Variants in CD28 observed in about 807,000 individuals in gnomAD.
CD28 encodes the protein T-cell-specific surface glycoprotein CD28.
In CD28, 8 loss-of-function variants were observed where a neutral mutation model predicts 21.4. The observed-to-expected ratio is 0.37, with a 90% confidence interval of 0.22 to 0.68. The LOEUF is 0.68. Among genes scored for constraint, CD28 ranks in the 30% least tolerant of loss-of-function variants. CD28 has a pLI of 0.55. For missense variants in CD28, 239 were observed against 272.2 expected (o/e 0.88, Z 0.86); for synonymous variants, 106 against 104.0 (o/e 1.02, Z -0.12).
intron 1 of CD28, among the ~76,000 whole-genome samples, chr2:203,717,418 G>A (rs1054893741): frequency 5.9e-5 from 9 of 152,108 alleles, no homozygotes; most frequent in African/African-American, 1.4e-4. Context: ...TGGTAACTTC[G>A]CTGTCCCCTG....
chr2:203,733,551 G>A (rs1022977157), intron 3 of CD28, among the ~76,000 whole-genome samples: 1 of 152,104 alleles, frequency 6.6e-6, no homozygotes, highest in African/African-American at 2.4e-5. Context: ...CTGTGAATGT[G>A]GATAAGATTG....
chr2:203,729,565 A>AT, intron 2 of CD28, 83 bp from the exon 3 acceptor site: 1 of 1,382,204 alleles, frequency 7.2e-7, no homozygotes, highest in Non-Finnish European at 1.0e-6. Context: ...TTTCTTTCAC[A>AT]TTTTTCTCTG....
intron 1 of CD28, among the ~76,000 whole-genome samples, chr2:203,722,729 G>C (rs1693635475): frequency 6.6e-6 from 1 of 152,230 alleles, no homozygotes; most frequent in Non-Finnish European, 1.5e-5. Flanking sequence ...AATGTCAAGT[G>C]AGCGATACAG....
At chr2:203,729,913 C>CT (rs1693845140) in intron 3 of CD28, 141 bp downstream of exon 3, 1 of 842,276 alleles carries the variant, frequency 1.2e-6, no homozygotes. Flanking sequence ...AGTAGGTTCT[C>CT]TTTTAGCTTG....
rs747837891 is a variant in CD28 at position 203,726,857 on chromosome 2, G to A, written c.277G>A (p.Glu93Lys). ...GFNCDGKLGN[E>K]SVTFYLQNLY... ...CAACTGTGATGGGAAATTGGGCAATGAATCAGTGACATTCTACCTCCAGAA... is the reference window on the plus strand; with the variant it reads ...CAACTGTGATGGGAAATTGGGCAATAAATCAGTGACATTCTACCTCCAGAA... Residue 93 changes from glutamate (E) to lysine (K), a missense_variant, in exon 2 of 4, where the codon GAA becomes AAA. This residue lies in a region of CD28 where 104 missense variants were observed against 108.5 expected (regional missense o/e 0.96). Transcript: ENST00000324106. 33 of 1,613,980 alleles carry A rather than the reference G, an allele frequency of 2.0e-5. No individual in the cohort carries two copies. The highest frequency in any genetic ancestry group is 1.3e-4 in the Admixed American group (8 of 60,002).
chr2:203,725,164 C>A (rs970491538), intron 1 of CD28, among the ~76,000 whole-genome samples: 1 of 152,020 alleles, frequency 6.6e-6, no homozygotes, highest in African/African-American at 2.4e-5. Context: ...TGGTGCATAC[C>A]TGTTAATCCC....
At chr2:203,727,718 C>T (rs1000803404) in intron 2 of CD28, among the ~76,000 whole-genome samples, 8 of 151,070 alleles carry the variant, frequency 5.3e-5, no homozygotes, top group African/African-American at 1.7e-4. Context: ...CTTGCTCTGT[C>T]GCCCAGGCTG....
intron 1 of CD28, among the ~76,000 whole-genome samples, chr2:203,719,199 T>G (rs1003465992): frequency 6.6e-6 from 1 of 152,242 alleles, no homozygotes; most frequent in Non-Finnish European, 1.5e-5. Context: ...TCTTAGCTCT[T>G]CCATTATTTG....
chr2:203,724,493 C>T (rs1212615863), intron 1 of CD28, among the ~76,000 whole-genome samples: 1 of 152,152 alleles, frequency 6.6e-6, no homozygotes, highest in Non-Finnish European at 1.5e-5. Context: ...AGTGGGAGGA[C>T]TTGGGCACAG....
chr2:203,708,244 G>T (rs1398834764), intron 1 of CD28, among the ~76,000 whole-genome samples: 2 of 152,106 alleles, frequency 1.3e-5, no homozygotes, highest in African/African-American at 4.8e-5. Context: ...AGCACAAATT[G>T]TGTATATTTA....
chr2:203,709,269 T>TAA (rs903924827), intron 1 of CD28, among the ~76,000 whole-genome samples: 28 of 152,176 alleles, frequency 1.8e-4, no homozygotes, highest in African/African-American at 6.8e-4. Context: ...ACCACTGTTA[T>TAA]GCCTGTGTTG....
chr2:203,706,531 G>C, upstream of CD28: 1 of 1,554,502 alleles, frequency 6.4e-7, no homozygotes, highest in Non-Finnish European at 8.7e-7. Flanking sequence ...AGGATGCCTT[G>C]TGGTTTGAGT....
chr2:203,738,381 C>T lies in CD28; in HGVS notation c.*3469C>T, dbSNP rs1694097972. The T allele has an allele frequency of 6.6e-6, 1 of 152,078 alleles. No homozygotes were observed. The highest frequency in any genetic ancestry group is 1.5e-5 in the Non-Finnish European group (1 of 68,036). The allele number at this position is 152,078 out of a possible 1,614,324, so 9.4% of individuals were successfully genotyped here. A position where few individuals can be genotyped will look rare whatever the true frequency, so the allele number is the denominator to read the frequency against. On this transcript the variant is annotated 3_prime_UTR_variant, in exon 4 of 4. Coordinates refer to ENST00000324106, the MANE Select transcript of CD28 (RefSeq NM_006139.4). The stretch of plus-strand genomic sequence containing the variant: ...ACATGCTGGAGATTAGAGATGGTGC[C>T]AATAAAGGACCCAGAACCAGGATCT...
Position 203,734,978 on chromosome 2 carries a change from T to C in CD28, c.*66T>C. 2 of 1,562,846 alleles carry C rather than the reference T, an allele frequency of 1.3e-6. No homozygotes were observed. Among genetic ancestry groups the C allele is most frequent in the Admixed American group, 3.8e-5 (2 of 53,178 alleles). ...ATCTGCTCAATATCACTGCTCTGGA[T>C]AGGAAATGACCGCCATCTCCAGCCG... On this transcript the variant is annotated 3_prime_UTR_variant, in exon 4 of 4. Coordinates refer to ENST00000324106, the MANE Select transcript of CD28 (RefSeq NM_006139.4).
At chr2:203,732,825 G>A (rs955488157) in intron 3 of CD28, among the ~76,000 whole-genome samples, 1 of 152,206 alleles carries the variant, frequency 6.6e-6, no homozygotes, top group Non-Finnish European at 1.5e-5. Flanking sequence ...TGTGTTTAGA[G>A]TTAGGGTGAT....
chr2:203,712,796 G>A (rs1049491426), intron 1 of CD28, among the ~76,000 whole-genome samples: 6 of 152,272 alleles, frequency 3.9e-5, no homozygotes, highest in African/African-American at 1.2e-4. Context: ...TTGAATGAAC[G>A]TTGTTATTAA....
At chr2:203,734,383 G>C (rs999468733) in intron 3 of CD28, among the ~76,000 whole-genome samples, 13 of 152,184 alleles carry the variant, frequency 8.5e-5, no homozygotes, top group Non-Finnish European at 1.2e-4. Flanking sequence ...GTCCTCTTCG[G>C]TTAATTATGG....
At chr2:203,726,406 G>T (rs1693749686) in intron 1 of CD28, among the ~76,000 whole-genome samples, 1 of 151,984 alleles carries the variant, frequency 6.6e-6, no homozygotes, top group Non-Finnish European at 1.5e-5. Context: ...CTGCCTTCTG[G>T]GTGAAAACAT....
intron 1 of CD28, among the ~76,000 whole-genome samples, chr2:203,707,544 T>G (rs557726596): frequency 6.6e-6 from 1 of 152,362 alleles, no homozygotes; most frequent in East Asian, 1.9e-4. Context: ...AGTTTTCTTT[T>G]ACAATCGGCC....
Sources: allele counts gnomAD v4.1 joint callset (sites outside exome capture counted in the v4.1 genomes callset), GRCh38; gene constraint gnomAD v4.1.1; regional missense constraint gnomAD v4.1.1; transcripts MANE v1.5; gene names NCBI Gene and HGNC (gene_info 2026-07-23, HGNC 2026-07-21).